Variants in SORCS1 observed in about 807,000 individuals in gnomAD.
SORCS1 encodes VPS10 domain-containing receptor SorCS1.
A neutral mutation model predicts 146.1 loss-of-function variants in SORCS1; 60 were observed. That is an observed-to-expected ratio of 0.41 (90% confidence interval 0.33 to 0.51). SORCS1 has a LOEUF of 0.51. SORCS1 is among the 20% of genes least tolerant of loss of function. The probability of loss-of-function intolerance (pLI) is 0.21; values close to 1 mark genes in which losing one functional copy is unlikely to be tolerated. For synonymous variants in SORCS1, 637 were observed against 584.0 expected (o/e 1.09, Z -1.31); for missense variants, 1,352 against 1,487.6 (o/e 0.91, Z 1.50).
chr10:106,976,333 G>GTTTGT (rs1956008127), intron 1 of SORCS1, among the ~76,000 whole-genome samples: 3 of 113,802 alleles, frequency 2.6e-5, no homozygotes, highest in South Asian at 2.7e-4. Context: ...AGGTTTTTTT[G>GTTTGT]TTTTTTTTTT....
At chr10:106,894,276 T>C (rs1013723305) in intron 2 of SORCS1, among the ~76,000 whole-genome samples, 13 of 67,334 alleles carry the variant, frequency 1.9e-4, no homozygotes, top group African/African-American at 4.6e-4. Context: ...TGTGCGTGTG[T>C]GTGTGTGTGT....
chr10:106,751,741 G>C (rs746678623), intron 5 of SORCS1, among the ~76,000 whole-genome samples: 32 of 152,162 alleles, frequency 2.1e-4, no homozygotes, highest in African/African-American at 7.7e-4. Flanking sequence ...TTTAACTAAT[G>C]AGGTCTACTC....
rs1043090382 is a variant in SORCS1 at position 106,583,847 on chromosome 10, C to T, written c.3266-4373G>A. Reference sequence around the variant, plus strand: ...TTTTGCCCTTTGCTCGGTTTCTTTCCAAGTTTTAAGGTCAATAACATGGTA... The same window carrying T: ...TTTTGCCCTTTGCTCGGTTTCTTTCTAAGTTTTAAGGTCAATAACATGGTA... On this transcript the variant is annotated intron_variant, in intron 24 of 25. Transcript: ENST00000263054. Among the ~76,000 whole-genome samples the T allele has an allele frequency of 1.6e-4, 25 of 152,196 alleles. 1 individual carries two copies. Among genetic ancestry groups the T allele is most frequent in the Middle Eastern group, 3.4e-3 (1 of 294 alleles).
At chr10:107,092,810 C>T (rs956570093) in intron 1 of SORCS1, among the ~76,000 whole-genome samples, 9 of 149,596 alleles carry the variant, frequency 6.0e-5, no homozygotes, top group Non-Finnish European at 1.3e-4. Context: ...AGTACCTATG[C>T]CAGACAAATC....
chr10:106,798,547 T>C (rs1564669812), intron 3 of SORCS1, among the ~76,000 whole-genome samples: 1 of 152,016 alleles, frequency 6.6e-6, no homozygotes, highest in Non-Finnish European at 1.5e-5. Context: ...GTTTGGTTTT[T>C]TGTCCTTGCG....
At chr10:106,760,442 CAAAA>C (rs34324078) in intron 5 of SORCS1, among the ~76,000 whole-genome samples, 6 of 45,804 alleles carry the variant, frequency 1.3e-4, no homozygotes, top group East Asian at 7.4e-4. Flanking sequence ...GACTCCGTCT[CAAAA>C]AAAAAAAAAA....
At chr10:106,950,328 C>T (rs1954611127) in intron 2 of SORCS1, among the ~76,000 whole-genome samples, 3 of 152,354 alleles carry the variant, frequency 2.0e-5, no homozygotes, top group Middle Eastern at 6.8e-3. Context: ...GCTTACAGCC[C>T]TAGGACATCA....
intron 1 of SORCS1, among the ~76,000 whole-genome samples, chr10:107,066,226 A>C (rs1164930155): frequency 7.2e-5 from 11 of 152,206 alleles, no homozygotes; most frequent in Admixed American, 7.2e-4. Context: ...GGTTCCAAGC[A>C]TCATGATCAC....
At position 107,074,346 on chromosome 10, in the gene SORCS1, T is replaced by A. The variant is rs536391868; in HGVS notation, c.558+89623A>T. Among the ~76,000 whole-genome samples the A allele has an allele frequency of 5.9e-5, 9 of 152,326 alleles. No homozygotes were observed. The East Asian group carries it at 1.7e-3, about 29-fold the overall frequency. ...TCATTTAGTAATATGTGTTTAAGTTTACTCCATGTCTCTTCATGACTTGAT... is the reference window on the plus strand; with the variant it reads ...TCATTTAGTAATATGTGTTTAAGTTAACTCCATGTCTCTTCATGACTTGAT... On this transcript the variant is annotated intron_variant, in intron 1 of 25. Coordinates refer to ENST00000263054, the MANE Select transcript of SORCS1 (RefSeq NM_052918.5).
At chr10:106,976,643 GT>G (rs764996367) in intron 1 of SORCS1, among the ~76,000 whole-genome samples, 76 of 152,110 alleles carry the variant, frequency 5.0e-4, no homozygotes, top group Non-Finnish European at 1.0e-3. Flanking sequence ...CATCATCTAG[GT>G]TTTAAGCCGC....
chr10:107,004,578 C>G (rs1165939615), intron 1 of SORCS1, among the ~76,000 whole-genome samples: 1 of 152,122 alleles, frequency 6.6e-6, no homozygotes, highest in East Asian at 1.9e-4. Flanking sequence ...ATGAGTCAAT[C>G]ATCTCCACTT....
chr10:106,577,443 C>G lies in SORCS1; in HGVS notation c.3484G>C (p.Ala1162Pro). The G allele has an allele frequency of 1.2e-6, 2 of 1,611,770 alleles. No homozygotes were observed. The highest frequency in any genetic ancestry group is 1.7e-6 in the Non-Finnish European group (2 of 1,178,590). The change falls in exon 26 of 26, where the codon GCT becomes CCT. Residue 1162 changes from alanine (A) to proline (P), a missense_variant. This residue lies in a region of SORCS1 where 214 missense variants were observed against 204.8 expected (regional missense o/e 1.05). Transcript: ENST00000263054. ...CCTTAAATTGCATACTGTGCCCCAG[C>G]AGATCCCCGCTTTGGCGTTGAAGGC... ...TPPSTPKRGS[A>P]GAQYAI
chr10:106,780,038 T>C (rs959485071), intron 3 of SORCS1, among the ~76,000 whole-genome samples: 3 of 152,166 alleles, frequency 2.0e-5, no homozygotes, highest in Non-Finnish European at 2.9e-5. Context: ...ATTTTATCAG[T>C]AATAAAATAT....
At chr10:107,165,835 C>A (rs1970033275), upstream of SORCS1, among the ~76,000 whole-genome samples, 1 of 152,174 alleles carries the variant, frequency 6.6e-6, no homozygotes, top group African/African-American at 2.4e-5. This position sits in a 1 kb window ranked among gnomAD's most constrained non-coding sequence, Gnocchi z 4.0. Context: ...GCTTCCTAAG[C>A]TTTAAAATTA....
At chr10:106,750,631 A>T (rs1858090738) in intron 5 of SORCS1, among the ~76,000 whole-genome samples, 1 of 139,310 alleles carries the variant, frequency 7.2e-6, no homozygotes, top group South Asian at 2.5e-4. Context: ...CGGGAGGCTG[A>T]GGCAGGAGAA....
chr10:106,861,163 C>T (rs554399024), intron 2 of SORCS1, among the ~76,000 whole-genome samples: 2 of 152,094 alleles, frequency 1.3e-5, no homozygotes, highest in East Asian at 1.9e-4. Flanking sequence ...TTTGGGAGGC[C>T]GAGGCAGGCA....
chr10:106,806,511 T>TTTC lies in SORCS1; in HGVS notation c.726+23062_726+23063insGAA, dbSNP rs1160443793. On this transcript the variant is annotated intron_variant, in intron 3 of 25. Transcript: ENST00000263054. Reference sequence around the variant, plus strand: ...TTCTGATGAGAGAGGAAGCCTTTTTTTTTTTTTTTTTTTTTTTTTTTTGAG... The same window carrying TTTC: ...TTCTGATGAGAGAGGAAGCCTTTTTTTTCTTTTTTTTTTTTTTTTTTTTTTGAG... Among the ~76,000 whole-genome samples, 19 of 103,410 alleles carry TTTC rather than the reference T, an allele frequency of 1.8e-4. 3 individuals carry two copies. In the East Asian group the frequency reaches 5.4e-3, roughly 30 times the overall value. 67.8% of individuals were successfully genotyped at this position (103,410 alleles called of 152,430 possible).
chr10:106,901,907 G>A (rs1951722032), intron 2 of SORCS1, among the ~76,000 whole-genome samples: 1 of 152,116 alleles, frequency 6.6e-6, no homozygotes, highest in Non-Finnish European at 1.5e-5. Flanking sequence ...AGCCAGGCAT[G>A]GTGGCGGGCA....
chr10:107,094,641 T>G (rs1201630876), intron 1 of SORCS1, among the ~76,000 whole-genome samples: 1 of 152,222 alleles, frequency 6.6e-6, no homozygotes, highest in East Asian at 1.9e-4. Flanking sequence ...GTACAAGAAA[T>G]AGAAGTGGCT....
Sources: gnomAD v4.1 joint callset for allele counts (sites outside exome capture counted in the v4.1 genomes callset) on GRCh38, gnomAD v4.1.1 for gene constraint, gnomAD v4.1.1 regional missense constraint, Gnocchi (gnomAD v3.1) non-coding constraint, MANE v1.5 for transcripts, NCBI Gene and HGNC (gene_info 2026-07-23, HGNC 2026-07-21) for gene names.